The following FLRT3 variants were observed in gnomAD, a reference collection of about 807,000 sequenced individuals.
The protein encoded by FLRT3 is fibronectin leucine rich transmembrane protein 3, also known as leucine-rich repeat transmembrane protein FLRT3.
In FLRT3, 17 loss-of-function variants were observed where a neutral mutation model predicts 42.6. That is an observed-to-expected ratio of 0.40 (90% CI 0.27 to 0.60). The LOEUF (loss-of-function observed/expected upper bound fraction) is 0.60. Ranked by LOEUF, FLRT3 falls within the 20% of genes least tolerant of loss-of-function variation. The pLI, the probability that FLRT3 is intolerant of heterozygous loss-of-function variation, is 0.44. For synonymous variants in FLRT3, 279 were observed against 286.4 expected, an observed-to-expected ratio of 0.97 and a Z score of 0.26; for missense variants, 635 against 789.2, an observed-to-expected ratio of 0.80 and a Z score of 2.34.
Position 14,336,929 on chromosome 20 carries a change from G to A in FLRT3, c.-247+475C>T, listed in dbSNP as rs193297612. 3.0e-3 allele frequency among the ~76,000 whole-genome samples: 459 copies of A among 152,262 alleles called. 2 individuals carry two copies. Among genetic ancestry groups the A allele is most frequent in the African/African-American group, 0.01 (427 of 41,566 alleles). On this transcript the variant is annotated intron_variant, in intron 1 of 2. Coordinates refer to ENST00000341420, the MANE Select transcript of FLRT3 (RefSeq NM_198391.3). ...GCACATAAGTCTCCAGGAGTAGCTC[G>A]GCTAGCTGTGAGCAAGATGTATGCT...
At chr20:14,330,225 T>A (rs1335409522) in intron 1 of FLRT3, among the ~76,000 whole-genome samples, 4 of 152,004 alleles carry the variant, frequency 2.6e-5, no homozygotes, top group African/African-American at 9.7e-5. Context: ...ACTAAAGAGA[T>A]CATTGAATTT....
Position 14,326,311 on chromosome 20 carries a change from T to G in FLRT3, c.1196A>C (p.Asp399Ala). ...TGAGGGACTCCCTGTGGTTTGGTGA[T>G]CCTTAGTGAGCTTGGGGTTCTTAAT... Reference protein sequence around the residue: ...PDIKNPKLTKDHQTTGSPSRK... With the variant: ...PDIKNPKLTKAHQTTGSPSRK... The change falls in exon 3 of 3, where the codon GAT (aspartate) becomes GCT (alanine). Residue 399 changes from aspartate to alanine, a missense_variant. Physicochemically the swap from Asp to Ala is moderately radical, Grantham distance 126 (BLOSUM62 -2). Coordinates refer to ENST00000341420, the MANE Select transcript of FLRT3 (RefSeq NM_198391.3). The surrounding 1 kb of genome is among the most constrained non-coding windows in gnomAD (Gnocchi z 5.5). 1 of 1,613,908 alleles carries G rather than the reference T, an allele frequency of 6.2e-7. No homozygotes were observed. Among genetic ancestry groups the G allele is most frequent in the Middle Eastern group, 1.7e-4 (1 of 6,054 alleles).
In FLRT3 at chr20:14,326,864, C is replaced by G. The variant is rs375641264; in HGVS notation, c.643G>C (p.Gly215Arg). ...VLDGNLLNNH[G>R]LGDKVFFNLV... ...TTGAAGAAAACTTTGTCACCTAAACCATGATTGTTCAACAGGTTTCCATCT... is the reference window on the plus strand; with the variant it reads ...TTGAAGAAAACTTTGTCACCTAAACGATGATTGTTCAACAGGTTTCCATCT... The change falls in exon 3 of 3, where the codon GGT becomes CGT. Residue 215 changes from glycine to arginine, a missense_variant. By Grantham distance (125) the Gly-to-Arg change is moderately radical. Coordinates refer to ENST00000341420, the MANE Select transcript of FLRT3 (RefSeq NM_198391.3). The surrounding 1 kb of genome is among the most constrained non-coding windows in gnomAD (Gnocchi z 5.5). 5 of 1,613,568 alleles carry G rather than the reference C, an allele frequency of 3.1e-6. No individual in the cohort carries two copies. The highest frequency in any genetic ancestry group is 4.2e-6 in the Non-Finnish European group (5 of 1,179,782).
chr20:14,329,038 A>G (rs954315427), intron 2 of FLRT3, 96 bp downstream of exon 2: 3 of 152,056 alleles, frequency 2.0e-5, no homozygotes, highest in Non-Finnish European at 4.4e-5. Context: ...CTGTATAGTA[A>G]TAGGTTTTTC....
chr20:14,326,124 G>A lies in FLRT3; in HGVS notation c.1383C>T (p.Arg461=). 6.2e-7 allele frequency: 1 copy of A among 1,613,886 alleles called. No homozygotes were observed. The highest frequency in any genetic ancestry group is 8.5e-7 in the Non-Finnish European group (1 of 1,179,876). Residue 461 remains arginine (R), a synonymous_variant, in exon 3 of 3, where the codon CGC becomes CGT. Coordinates refer to ENST00000341420, the MANE Select transcript of FLRT3 (RefSeq NM_198391.3). This position sits in a 1 kb window ranked among gnomAD's most constrained non-coding sequence, Gnocchi z 5.5. ...SITETIVTGE[R]SEYLVTALEP... The stretch of plus-strand genomic sequence containing the variant: ...CCAGGGCTGTGACCAAGTACTCACT[G>A]CGTTCCCCTGTTACAATTGTTTCTG...
rs577920802 is a variant in FLRT3 at position 14,327,545 on chromosome 20, G to A, written c.-39C>T. 4 of 1,559,694 alleles carry A rather than the reference G, an allele frequency of 2.6e-6. No homozygotes were observed. Among genetic ancestry groups the A allele is most frequent in the African/African-American group, 1.4e-5 (1 of 73,068 alleles). On this transcript the variant is annotated 5_prime_UTR_variant, in exon 3 of 3. In the 5' UTR this introduces an upstream ATG that the reference lacks. Transcript: ENST00000341420. ...GAGGTCTTTATACAAGGTAGCTTCC[G>A]TTACTTCAGAACCCTAAAATGAAGT...
chr20:14,327,185 C>G lies in FLRT3; in HGVS notation c.322G>C (p.Glu108Gln). 1 of 1,613,608 alleles carries G rather than the reference C, an allele frequency of 6.2e-7. No individual in the cohort carries two copies. The highest frequency in any genetic ancestry group is 8.5e-7 in the Non-Finnish European group (1 of 1,179,712). Residue 108 changes from glutamate (E) to glutamine (Q), a missense_variant, in exon 3 of 3, where the codon GAG becomes CAG. By Grantham distance (29) the Glu-to-Gln change is conservative. Coordinates refer to ENST00000341420, the MANE Select transcript of FLRT3 (RefSeq NM_198391.3). The part of the protein sequence containing the change: ...FPTNLPKYVK[E>Q]LHLQENNIRT... ...ATGTTATTTTCTTGCAAATGTAACTCTTTTACATACTTTGGGAGGTTGGTA... is the reference window on the plus strand; with the variant it reads ...ATGTTATTTTCTTGCAAATGTAACTGTTTTACATACTTTGGGAGGTTGGTA...
In FLRT3 at chr20:14,324,005, A is replaced by T. The variant is rs1427408055; in HGVS notation, c.*1552T>A. ...CACAACCTCAAGATGTTGATTTTTT[A>T]AAATTTTTAGCCAACTTTTATTTTT... On this transcript the variant is annotated 3_prime_UTR_variant, in exon 3 of 3. Coordinates refer to ENST00000341420, the MANE Select transcript of FLRT3 (RefSeq NM_198391.3). The T allele has an allele frequency of 4.6e-5, 7 of 152,210 alleles. No homozygotes were observed. In the East Asian group the frequency reaches 1.3e-3, roughly 29 times the overall value. The allele number at this position is 152,210 out of a possible 1,614,324, so 9.4% of individuals were successfully genotyped here. A position where few individuals can be genotyped will look rare whatever the true frequency, so the allele number is the denominator to read the frequency against.
chr20:14,325,822 T>TATA lies in FLRT3; in HGVS notation c.1684_1685insTAT (p.Asn562delinsIleTyr). On this transcript the variant is annotated protein_altering_variant, in exon 3 of 3. Transcript: ENST00000341420. ...TCTCCTCCCTTTGCTATATGCACAG[T>TATA]TCCTTGAGAAGAGCGATCCATTCCT... 6.2e-7 allele frequency: 1 copy of TATA among 1,613,896 alleles called. No homozygotes were observed. Among genetic ancestry groups the TATA allele is most frequent in the Non-Finnish European group, 8.5e-7 (1 of 1,179,842 alleles).
At position 14,325,601 on chromosome 20, in the gene FLRT3, A is replaced by C; in HGVS notation, c.1906T>G (p.Tyr636Asp). The C allele has an allele frequency of 6.2e-7, 1 of 1,613,384 alleles. No individual in the cohort carries two copies. Among genetic ancestry groups the C allele is most frequent in the Admixed American group, 1.7e-5 (1 of 59,978 alleles). ...GAGTCTGGAATACCACTGTCTCTGT[A>C]GCTTCGGTTACTACTGCTTTCACTG... The part of the protein sequence containing the change: ...NHSESSSNRS[Y>D]RDSGIPDSDH... The change falls in exon 3 of 3, where the codon TAC (tyrosine) becomes GAC (aspartate). Residue 636 changes from tyrosine to aspartate, a missense_variant. Physicochemically the swap from Tyr to Asp is radical, Grantham distance 160. Coordinates refer to ENST00000341420, the MANE Select transcript of FLRT3 (RefSeq NM_198391.3).
Position 14,326,232 on chromosome 20 carries a change from G to A in FLRT3, c.1275C>T (p.Ile425=). 1 of 1,613,912 alleles carries A rather than the reference G, an allele frequency of 6.2e-7. No homozygotes were observed. Residue 425 remains isoleucine (I), a synonymous_variant, in exon 3 of 3, where the codon ATC becomes ATT. Transcript: ENST00000341420. This position sits in a 1 kb window ranked among gnomAD's most constrained non-coding sequence, Gnocchi z 5.5. The stretch of plus-strand genomic sequence containing the variant: ...TCATAGGTAGAGCAAGTTTCCAAGA[G>A]ATATGAATGGTATCAGAGGTGACAG... ...VKSVTSDTIH[I]SWKLALPMTA...
At chr20:14,334,913 AC>A (rs889542028) in intron 1 of FLRT3, among the ~76,000 whole-genome samples, 16 of 152,112 alleles carry the variant, frequency 1.1e-4, no homozygotes, top group South Asian at 2.1e-4. Flanking sequence ...TATATAGCCC[AC>A]CCACCTTAAA....
Position 14,327,259 on chromosome 20 carries a change from A to T in FLRT3, c.248T>A (p.Leu83Gln). The T allele has an allele frequency of 6.2e-7, 1 of 1,613,818 alleles. No homozygotes were observed. The highest frequency in any genetic ancestry group is 8.5e-7 in the Non-Finnish European group (1 of 1,179,770). The change falls in exon 3 of 3, where the codon CTG (leucine) becomes CAG (glutamine). Residue 83 changes from leucine (L) to glutamine (Q), a missense_variant. Coordinates refer to ENST00000341420, the MANE Select transcript of FLRT3 (RefSeq NM_198391.3). ...GTATAGGTATATTCTTTCTACTTTC[A>T]GCAAGTTTTTCAAATCTGAAGGAAT... ...AGIPSDLKNL[L>Q]KVERIYLYHN... is the part of the protein sequence containing the mutation.
chr20:14,336,387 T>C (rs528930515), intron 1 of FLRT3, among the ~76,000 whole-genome samples: 4 of 152,230 alleles, frequency 2.6e-5, no homozygotes, highest in Non-Finnish European at 4.4e-5. Context: ...CCCCCAGATG[T>C]TGAGAAGACA....
intron 1 of FLRT3, among the ~76,000 whole-genome samples, chr20:14,329,806 C>G (rs1386133826): frequency 6.6e-6 from 1 of 151,914 alleles, no homozygotes; most frequent in African/African-American, 2.4e-5. Flanking sequence ...ATTTTAAAAG[C>G]TTTTCTTTTG....
rs2082789092 is a variant in FLRT3, at chr20:14,329,139, G to A, written c.-58C>T. The A allele has an allele frequency of 6.6e-6, 1 of 152,010 alleles. No homozygotes were observed. Among genetic ancestry groups the A allele is most frequent in the Non-Finnish European group, 1.5e-5 (1 of 67,970 alleles). 9.4% of individuals were successfully genotyped at this position (152,010 alleles called of 1,614,324 possible). On this transcript the variant is annotated 5_prime_UTR_variant, in exon 2 of 3. Coordinates refer to ENST00000341420, the MANE Select transcript of FLRT3 (RefSeq NM_198391.3). The stretch of plus-strand genomic sequence containing the variant: ...ACATCCTGAGGTATGATTACCTGCT[G>A]TGAAATAGCTATTTCCAGCTTTTGC...
rs1483224045 is a variant in FLRT3, at chr20:14,324,086, TTAGTGA to T, written c.*1465_*1470del. The T allele has an allele frequency of 2.0e-5, 3 of 152,576 alleles. No homozygotes were observed. The highest frequency in any genetic ancestry group is 7.2e-5 in the African/African-American group (3 of 41,450). 9.5% of individuals were successfully genotyped at this position (152,576 alleles called of 1,614,324 possible). On this transcript the variant is annotated 3_prime_UTR_variant, in exon 3 of 3. Transcript: ENST00000341420. ...ACTAATGTGCTGGGCAATTTGCTACTTAGTGATAGTAACACAATCCTGAAAAAGCAA... is the reference window on the plus strand; with the variant it reads ...ACTAATGTGCTGGGCAATTTGCTACTTAGTAACACAATCCTGAAAAAGCAA...
intron 1 of FLRT3, among the ~76,000 whole-genome samples, chr20:14,332,317 A>AT (rs1216649903): frequency 3.3e-5 from 5 of 152,134 alleles, no homozygotes; most frequent in African/African-American, 1.2e-4. Flanking sequence ...GGAAACTAAT[A>AT]TAAGAAGTTG....
rs1290808954 is a variant in FLRT3 at position 14,326,379 on chromosome 20, A to G, written c.1128T>C (p.Pro376=). 1 of 1,613,946 alleles carries G rather than the reference A, an allele frequency of 6.2e-7. No homozygotes were observed. The highest frequency in any genetic ancestry group is 1.1e-5 in the South Asian group (1 of 91,088). ...ITTAIPNTVY[P]AQGQWPAPVT... ...CTGGAGCTGGCCACTGTCCTTGGGC[A>G]GGATACACTGTGTTGGGTATTGCAG... The change falls in exon 3 of 3, where the codon CCT becomes CCC. Residue 376 remains proline (P), a synonymous_variant. Coordinates refer to ENST00000341420, the MANE Select transcript of FLRT3 (RefSeq NM_198391.3). This position sits in a 1 kb window ranked among gnomAD's most constrained non-coding sequence, Gnocchi z 5.5.
Sources: gnomAD v4.1 joint callset for allele counts (sites outside exome capture counted in the v4.1 genomes callset) on GRCh38, gnomAD v4.1.1 for gene constraint, Gnocchi (gnomAD v3.1) non-coding constraint, MANE v1.5 for transcripts, NCBI Gene and HGNC (gene_info 2026-07-23, HGNC 2026-07-21) for gene names.